STK3: variants seen among roughly 807,000 people sequenced by gnomAD.
STK3 encodes the protein serine/threonine-protein kinase 3.
Under a neutral mutation model 58.0 loss-of-function variants are expected in STK3, and 41 were observed. The observed-to-expected ratio is 0.71, with a 90% CI of 0.55 to 0.92. STK3 has a LOEUF of 0.92. STK3 is among the 40% of genes least tolerant of loss of function. STK3 has a pLI of 0.00. For missense variants in STK3, 479 were observed against 602.7 expected, an observed-to-expected ratio of 0.79 and a Z score of 2.15; for synonymous variants, 170 against 191.0, an observed-to-expected ratio of 0.89 and a Z score of 0.91.
chr8:98,742,353 T>C (rs1340312208), intron 4 of STK3, among the ~76,000 whole-genome samples: 1 of 143,144 alleles, frequency 7.0e-6, no homozygotes, highest in South Asian at 2.2e-4. Context: ...GCAAAACGAA[T>C]CCAGCAGCAC....
chr8:98,380,291 T>G (rs1433944658), intron 1 of STK3, among the ~76,000 whole-genome samples: 1 of 152,192 alleles, frequency 6.6e-6, no homozygotes, highest in African/African-American at 2.4e-5. Flanking sequence ...TGTTAAGTGT[T>G]CTTACCACAA....
intron 8 of STK3, among the ~76,000 whole-genome samples, chr8:98,553,866 G>A (rs1811391852): frequency 6.6e-6 from 1 of 152,002 alleles, no homozygotes; most frequent in East Asian, 1.9e-4. Flanking sequence ...TTAGAAGGCT[G>A]ATGCAGGAGA....
intron 10 of STK3, among the ~76,000 whole-genome samples, chr8:98,473,847 A>G (rs1388709824): frequency 6.6e-6 from 1 of 152,056 alleles, no homozygotes; most frequent in Non-Finnish European, 1.5e-5. Flanking sequence ...GGCTTTTACT[A>G]TATACTCCAT....
chr8:98,404,147 C>T (rs1244653128), intron 3 of STK3, among the ~76,000 whole-genome samples: 10 of 152,206 alleles, frequency 6.6e-5, no homozygotes, highest in Non-Finnish European at 1.5e-4. Flanking sequence ...ATCTAGTTTC[C>T]TCAAACCCTG....
intron 1 of STK3, among the ~76,000 whole-genome samples, chr8:98,803,593 C>CAAAAAAAAAAAAAAAAA (rs34316563): frequency 2.1e-4 from 8 of 38,824 alleles, no homozygotes; most frequent in Admixed American, 2.9e-4. Flanking sequence ...GACTCTGTTT[C>CAAAAAAAAAAAAAAAAA]AAAAAAAAAA....
chr8:98,666,180 T>C (rs922574989), intron 6 of STK3, among the ~76,000 whole-genome samples: 79 of 152,020 alleles, frequency 5.2e-4, no homozygotes, highest in African/African-American at 1.7e-3. Flanking sequence ...ACAATGGTTT[T>C]TGTAAATGTA....
intron 3 of STK3, among the ~76,000 whole-genome samples, chr8:98,836,403 T>C (rs1476415811): frequency 6.6e-6 from 1 of 152,204 alleles, no homozygotes; most frequent in Non-Finnish European, 1.5e-5. Context: ...CAAATTCCAT[T>C]AATGAGGGTA....
intron 1 of STK3, among the ~76,000 whole-genome samples, chr8:98,387,204 C>T (rs59944509): frequency 0.011 from 1,724 of 151,948 alleles, 31 homozygotes; most frequent in African/African-American, 0.039. Flanking sequence ...AAATACAAAG[C>T]GGTTTTTTCA....
chr8:98,869,967 T>C (rs191625197), intron 3 of STK3, among the ~76,000 whole-genome samples: 10 of 152,156 alleles, frequency 6.6e-5, no homozygotes, highest in Non-Finnish European at 1.3e-4. Flanking sequence ...TTACATTAGG[T>C]ATATCTTCTA....
chr8:98,668,988 C>CTTTTTTTTTT (rs35407432), intron 6 of STK3, among the ~76,000 whole-genome samples: 1 of 111,130 alleles, frequency 9.0e-6, no homozygotes, highest in Non-Finnish European at 1.8e-5. Flanking sequence ...TTAATCTTGT[C>CTTTTTTTTTT]TTTTTTTTTT....
rs200018807 is a variant in STK3 at position 98,474,378 on chromosome 8, G to A, written c.1318-18378C>T. On this transcript the variant is annotated intron_variant, in intron 10 of 10. Transcript: ENST00000419617. Reference sequence around the variant, plus strand: ...TTTCTTGCATATGAAATCCAAATGCGGCCTTGCCTGAATCTAATCCTGCCT... The same window carrying A: ...TTTCTTGCATATGAAATCCAAATGCAGCCTTGCCTGAATCTAATCCTGCCT... 2.0e-5 allele frequency among the ~76,000 whole-genome samples: 3 copies of A among 152,202 alleles called. No homozygotes were observed. The South Asian group carries it at 6.2e-4, about 32-fold the overall frequency.
At position 98,714,522 on chromosome 8, in the gene STK3, A is replaced by C. The variant is rs368791465; in HGVS notation, c.352-7211T>G. 4.8e-3 allele frequency among the ~76,000 whole-genome samples: 736 copies of C among 152,232 alleles called. 16 individuals are homozygous for C. The South Asian group carries it at 0.07, about 14-fold the overall frequency. On this transcript the variant is annotated intron_variant, in intron 4 of 10. Transcript: ENST00000419617. ...CAGAGAGACAAATCATGAGTGAACT[A>C]CCATTCACAATTGCTTCAAAGAGAA...
chr8:98,631,631 T>A (rs750225828), intron 6 of STK3, among the ~76,000 whole-genome samples: 9 of 152,070 alleles, frequency 5.9e-5, no homozygotes, highest in Non-Finnish European at 8.8e-5. Context: ...TTCATAGCTG[T>A]TATCAGTACC....
At chr8:98,404,646 C>G (rs1243393748) in intron 3 of STK3, among the ~76,000 whole-genome samples, 1 of 143,946 alleles carries the variant, frequency 6.9e-6, no homozygotes, top group Admixed American at 7.0e-5. Flanking sequence ...TGCCACTGCA[C>G]TCCAGCCTGG....
At chr8:98,372,066 C>T (rs1817615842) in intron 2 of STK3, among the ~76,000 whole-genome samples, 1 of 152,082 alleles carries the variant, frequency 6.6e-6, no homozygotes, top group African/African-American at 2.4e-5. Context: ...ACAGGGAGAA[C>T]ACCATGTGAA....
At chr8:98,781,343 G>C (rs1014093004) in intron 1 of STK3, among the ~76,000 whole-genome samples, 1 of 152,124 alleles carries the variant, frequency 6.6e-6, no homozygotes, top group African/African-American at 2.4e-5. Context: ...AGCTATGCAG[G>C]GAAAAGGTTC....
chr8:98,412,130 G>A (rs1353735058), intron 3 of STK3, among the ~76,000 whole-genome samples: 1 of 152,124 alleles, frequency 6.6e-6, no homozygotes, highest in Non-Finnish European at 1.5e-5. Flanking sequence ...TATTGCTCCC[G>A]AGGTGCTGCC....
At chr8:98,627,534 C>G (rs1818824382) in intron 6 of STK3, among the ~76,000 whole-genome samples, 1 of 150,378 alleles carries the variant, frequency 6.6e-6, no homozygotes. Flanking sequence ...TTTAAAAGAG[C>G]CTGAGACTCC....
chr8:98,599,313 T>C (rs747766734), intron 6 of STK3, among the ~76,000 whole-genome samples: 2 of 152,136 alleles, frequency 1.3e-5, no homozygotes, highest in Non-Finnish European at 2.9e-5. Context: ...ATAAAGTAAT[T>C]ACACTAATTT....
Sources: gnomAD v4.1 joint callset for allele counts (sites outside exome capture counted in the v4.1 genomes callset) on GRCh38, gnomAD v4.1.1 for gene constraint, MANE v1.5 for transcripts, NCBI Gene and HGNC (gene_info 2026-07-23, HGNC 2026-07-21) for gene names.